The following FAM133A variants were observed in gnomAD, a reference collection of about 807,000 sequenced individuals.
FAM133A encodes the protein family with sequence similarity 133 member A.
For missense variants in FAM133A, 159 were observed against 164.4 expected, an observed-to-expected ratio of 0.97 and a Z score of 0.18; for synonymous variants, 65 against 58.6, an observed-to-expected ratio of 1.11 and a Z score of -0.50.
intron 2 of FAM133A, among the ~76,000 whole-genome samples, chrX:93,686,104 T>G (rs1221063115): frequency 2.0e-4 from 8 of 40,649 alleles, no homozygotes; most frequent in African/African-American, 7.1e-4. Flanking sequence ...TGAGACTCCA[T>G]CTCAAAAAAA....
intron 2 of FAM133A, among the ~76,000 whole-genome samples, chrX:93,678,715 AG>A (rs1924896609): frequency 8.9e-6 from 1 of 112,353 alleles, no homozygotes; most frequent in Non-Finnish European, 1.9e-5. Context: ...TTTGTTGAAT[AG>A]ACTGTCTTTT....
rs1201735154 is a variant in FAM133A at position 93,674,708 on chromosome X, C to A, written c.-237C>A. 2 of 110,864 alleles carry A rather than the reference C, an allele frequency of 1.8e-5. No homozygotes were observed. Among genetic ancestry groups the A allele is most frequent in the Non-Finnish European group, 3.8e-5 (2 of 52,876 alleles). The allele number at this position is 110,864 out of a possible 1,213,427, so 9.1% of individuals were successfully genotyped here. ...TTTTTTTTTCTGCTACAGAACAACT[C>A]CCTTGGTACAATAAAAAAGACGAGT... On this transcript the variant is annotated 5_prime_UTR_variant, in exon 2 of 4. Transcript: ENST00000683942.
At chrX:93,688,333 A>C (rs1925675095) in intron 2 of FAM133A, among the ~76,000 whole-genome samples, 1 of 110,618 alleles carries the variant, frequency 9.0e-6, no homozygotes, top group African/African-American at 3.3e-5. Context: ...TTTAATATTC[A>C]ACTTATCTTT....
In FAM133A at chrX:93,710,406, G is replaced by A; in HGVS notation, c.*240G>A. The A allele has an allele frequency of 3.4e-6, 1 of 293,263 alleles. No homozygotes were observed. Among genetic ancestry groups the A allele is most frequent in the Non-Finnish European group, 6.2e-6 (1 of 162,065 alleles). The allele number at this position is 293,263 out of a possible 1,213,427, so 24.2% of individuals were successfully genotyped here. The stretch of plus-strand genomic sequence containing the variant: ...AATGTTTGAAATTAAAGTAAAATGT[G>A]TTAGATAATGAATAACTTTGACAAA... On this transcript the variant is annotated 3_prime_UTR_variant, in exon 4 of 4. Coordinates refer to ENST00000683942, the MANE Select transcript of FAM133A (RefSeq NM_001171109.2).
At chrX:93,694,380 C>T (rs1372672280) in intron 2 of FAM133A, among the ~76,000 whole-genome samples, 2 of 109,798 alleles carry the variant, frequency 1.8e-5, no homozygotes, top group African/African-American at 6.6e-5. Context: ...TTCGATGTAG[C>T]GTGTGAAATC....
At chrX:93,699,682 G>A (rs181408667) in intron 3 of FAM133A, among the ~76,000 whole-genome samples, 58 of 111,059 alleles carry the variant, frequency 5.2e-4, no homozygotes, top group African/African-American at 1.6e-3. Context: ...TTATCATTTC[G>A]TTCTATTTTC....
chrX:93,698,614 A>G (rs1442964328), intron 3 of FAM133A, 129 bp downstream of exon 3: 1 of 111,877 alleles, frequency 8.9e-6, no homozygotes, highest in African/African-American at 3.2e-5. Context: ...TAGAGAGGAA[A>G]AGTTCCCATG....
chrX:93,694,103 A>T (rs752496364), intron 2 of FAM133A, among the ~76,000 whole-genome samples: 25 of 111,275 alleles, frequency 2.2e-4, no homozygotes, highest in Non-Finnish European at 3.8e-4. Context: ...AGTGAGAGTA[A>T]GATCAAGAGA....
intron 2 of FAM133A, among the ~76,000 whole-genome samples, chrX:93,684,737 T>G (rs956006227): frequency 9.0e-6 from 1 of 110,983 alleles, no homozygotes; most frequent in African/African-American, 3.3e-5. Flanking sequence ...ACGTTTTGAA[T>G]TTTTAAAACA....
At chrX:93,676,569 G>C (rs1026371325) in intron 2 of FAM133A, among the ~76,000 whole-genome samples, 3 of 109,202 alleles carry the variant, frequency 2.7e-5, no homozygotes, top group African/African-American at 9.9e-5. Flanking sequence ...CATGATATTG[G>C]GCAAATGTGA....
chrX:93,693,997 C>T (rs182263739), intron 2 of FAM133A, among the ~76,000 whole-genome samples: 1 of 109,479 alleles, frequency 9.1e-6, no homozygotes, highest in Non-Finnish European at 1.9e-5. Flanking sequence ...TTTTACAAAA[C>T]CCAAGGTATA....
intron 2 of FAM133A, among the ~76,000 whole-genome samples, chrX:93,688,602 T>A (rs1925692715): frequency 8.9e-6 from 1 of 111,766 alleles, no homozygotes; most frequent in Non-Finnish European, 1.9e-5. Flanking sequence ...ATAATAAATG[T>A]TTTTCATTTC....
rs182227339 is a variant in FAM133A at position 93,711,192 on chromosome X, T to A, written c.*1026T>A. The A allele has an allele frequency of 5.6e-3, 688 of 122,897 alleles. 2 individuals are homozygous for A. The highest frequency in any genetic ancestry group is 0.019 in the African/African-American group (599 of 30,752). The allele number at this position is 122,897 out of a possible 1,213,427, so 10.1% of individuals were successfully genotyped here. On this transcript the variant is annotated 3_prime_UTR_variant, in exon 4 of 4. Transcript: ENST00000683942. ...ATTTAGCATGTGAAAAGGTTTTTTT[T>A]AAAAAATATGTAATGCCTTCATATT... is the stretch of plus-strand genomic sequence containing the variant.
chrX:93,678,718 C>T (rs1924897010), intron 2 of FAM133A, among the ~76,000 whole-genome samples: 2 of 112,150 alleles, frequency 1.8e-5, no homozygotes, highest in African/African-American at 6.5e-5. Flanking sequence ...GTTGAATAGA[C>T]TGTCTTTTCA....
At chrX:93,699,492 ATTTG>A (rs1162521346) in intron 3 of FAM133A, among the ~76,000 whole-genome samples, 3 of 111,335 alleles carry the variant, frequency 2.7e-5, no homozygotes, top group Non-Finnish European at 5.7e-5. Context: ...AGCAGGTCCA[ATTTG>A]TTTGTTAATA....
intron 2 of FAM133A, among the ~76,000 whole-genome samples, chrX:93,678,936 T>A (rs1924915455): frequency 8.9e-6 from 1 of 112,147 alleles, no homozygotes. Context: ...AGGAGCTGGA[T>A]CTTCATCCTT....
At chrX:93,701,943 C>A in intron 3 of FAM133A, among the ~76,000 whole-genome samples, 1 of 111,347 alleles carries the variant, frequency 9.0e-6, no homozygotes, top group South Asian at 3.8e-4. Context: ...ATATGCAGGA[C>A]AGATCCATTC....
intron 2 of FAM133A, among the ~76,000 whole-genome samples, chrX:93,689,714 G>A (rs1415880668): frequency 2.7e-5 from 3 of 110,605 alleles, no homozygotes; most frequent in African/African-American, 9.9e-5. Flanking sequence ...AGTTTTCAAG[G>A]ACTGTAGTGA....
At chrX:93,674,586 G>A (rs1335038161) in intron 1 of FAM133A, 95 bp from the exon 2 acceptor site, 1 of 111,374 alleles carries the variant, frequency 9.0e-6, no homozygotes, top group African/African-American at 3.3e-5. Flanking sequence ...TAAAATTCTA[G>A]CCATACTATA....
Sources: allele counts gnomAD v4.1 joint callset (sites outside exome capture counted in the v4.1 genomes callset), GRCh38; gene constraint gnomAD v4.1.1; transcripts MANE v1.5; gene names NCBI Gene and HGNC (gene_info 2026-07-23, HGNC 2026-07-21).